CKAP5: variants seen among roughly 807,000 people sequenced by gnomAD.
The protein encoded by CKAP5 is cytoskeleton associated protein 5.
Under a neutral mutation model 232.8 loss-of-function variants are expected in CKAP5, and 27 were observed. The observed-to-expected ratio is 0.12, with a 90% CI of 0.09 to 0.16. The LOEUF (loss-of-function observed/expected upper bound fraction) is 0.16. CKAP5 is among the 10% of genes least tolerant of loss of function. The probability of loss-of-function intolerance (pLI) is 1.00; values close to 1 mark genes in which losing one functional copy is unlikely to be tolerated. For missense variants in CKAP5, 1,838 were observed against 2,424.7 expected, an observed-to-expected ratio of 0.76 and a Z score of 5.08; for synonymous variants, 785 against 841.1, an observed-to-expected ratio of 0.93 and a Z score of 1.16.
At chr11:46,745,739 G>A (rs1009945728) in intron 42 of CKAP5, among the ~76,000 whole-genome samples, 3 of 152,116 alleles carry the variant, frequency 2.0e-5, no homozygotes, top group Non-Finnish European at 2.9e-5. Flanking sequence ...GGATCACTTA[G>A]AGGTCAGGGG....
chr11:46,759,376 A>T lies in CKAP5; in HGVS notation c.4461T>A (p.Asp1487Glu). ...CATTGTCATTCTCAATCTCATCTAG[A>T]TCCAGCTGGAATTCTCGGCGGACCA... ...AQMVRREFQL[D>E]LDEIENDNGT... The change falls in exon 34 of 44, where the codon GAT becomes GAA. Residue 1487 changes from aspartate to glutamate, a missense_variant. Transcript: ENST00000529230. 2 of 1,614,036 alleles carry T rather than the reference A, an allele frequency of 1.2e-6. No individual in the cohort carries two copies. The highest frequency in any genetic ancestry group is 1.7e-6 in the Non-Finnish European group (2 of 1,179,990).
intron 32 of CKAP5, among the ~76,000 whole-genome samples, chr11:46,761,182 G>A (rs1391370062): frequency 1.3e-5 from 2 of 150,056 alleles, no homozygotes; most frequent in Non-Finnish European, 1.5e-5. Flanking sequence ...CTGGGAGGTC[G>A]AGGCTGCGGT....
chr11:46,780,782 T>C (rs1325457242), intron 18 of CKAP5, among the ~76,000 whole-genome samples: 2 of 151,990 alleles, frequency 1.3e-5, no homozygotes, highest in South Asian at 2.1e-4. Context: ...GCCCAGCTAA[T>C]TTTTTTTGTT....
chr11:46,832,773 G>T (rs1337683291), intron 1 of CKAP5, among the ~76,000 whole-genome samples: 1 of 152,078 alleles, frequency 6.6e-6, no homozygotes, highest in Non-Finnish European at 1.5e-5. Context: ...AAGATTAAAT[G>T]AGATTTTGCC....
chr11:46,827,099 G>A (rs1487807634), intron 1 of CKAP5, among the ~76,000 whole-genome samples: 6 of 152,084 alleles, frequency 3.9e-5, no homozygotes, highest in African/African-American at 1.4e-4. Context: ...CTCTTTTTTT[G>A]GTAGTATTAC....
chr11:46,748,110 C>T (rs1179371230), intron 42 of CKAP5, among the ~76,000 whole-genome samples: 1 of 152,058 alleles, frequency 6.6e-6, no homozygotes, highest in Non-Finnish European at 1.5e-5. Context: ...TGATGAGGTA[C>T]TAGGGGCACT....
At chr11:46,836,240 A>G (rs1939914907) in intron 1 of CKAP5, among the ~76,000 whole-genome samples, 1 of 152,246 alleles carries the variant, frequency 6.6e-6, no homozygotes. Flanking sequence ...AACGATGTTA[A>G]TAACAGGGCA....
In CKAP5 at chr11:46,750,366, T is replaced by G; in HGVS notation, c.5612A>C (p.Asn1871Thr). The change falls in exon 42 of 44, where the codon AAT becomes ACT. Residue 1871 changes from asparagine (N) to threonine (T), a missense_variant. Transcript: ENST00000529230. The stretch of plus-strand genomic sequence containing the variant: ...ATAGCTCTGGAAGAACTGTGAGGAA[T>G]TTTTCAGAAATGGTTCAATGTCAGC... ...SDADIEPFLK[N>T]SSQFFQSYVE... 1 of 1,614,158 alleles carries G rather than the reference T, an allele frequency of 6.2e-7. No homozygotes were observed. The highest frequency in any genetic ancestry group is 8.5e-7 in the Non-Finnish European group (1 of 1,180,006).
chr11:46,840,487 A>C (rs1940026567), intron 1 of CKAP5, among the ~76,000 whole-genome samples: 1 of 152,200 alleles, frequency 6.6e-6, no homozygotes, highest in African/African-American at 2.4e-5. Context: ...TCCCTGTCAA[A>C]ATTTTTAACA....
At chr11:46,761,722 C>T (rs933845057) in intron 32 of CKAP5, among the ~76,000 whole-genome samples, 1 of 152,144 alleles carries the variant, frequency 6.6e-6, no homozygotes, top group African/African-American at 2.4e-5. Context: ...AATTTAAACC[C>T]GGGACTAGCT....
chr11:46,796,181 AAAAAAAAT>A (rs1055361911), intron 12 of CKAP5, among the ~76,000 whole-genome samples: 6 of 124,048 alleles, frequency 4.8e-5, no homozygotes, highest in Admixed American at 8.5e-5. Flanking sequence ...AAAAAAAAAA[AAAAAAAAT>A]TTTCAGAGAA....
intron 4 of CKAP5, 116 bp downstream of exon 4, chr11:46,816,082 C>A (rs80341157): frequency 2.6e-6 from 2 of 756,704 alleles, no homozygotes; most frequent in African/African-American, 1.8e-5. Flanking sequence ...ACGACCCCCC[C>A]ATCCCCCCAA....
Position 46,753,492 on chromosome 11 carries a change from A to C in CKAP5, c.4875T>G (p.Phe1625Leu). 2.5e-6 allele frequency: 4 copies of C among 1,609,576 alleles called. No homozygotes were observed. Among genetic ancestry groups the C allele is most frequent in the Non-Finnish European group, 3.4e-6 (4 of 1,178,182 alleles). ...SCIIGNMISL[F>L]QIESLAREAS... is the part of the protein sequence containing the mutation. ...CCTCCCGGGCAAGGCTCTCTATCTGAAACAGCTATCCAGACATACTTGTGT... is the reference window on the plus strand; with the variant it reads ...CCTCCCGGGCAAGGCTCTCTATCTGCAACAGCTATCCAGACATACTTGTGT... The change falls in exon 37 of 44, where the codon TTT becomes TTG. Residue 1625 changes from phenylalanine (F) to leucine (L), a missense_variant. Physicochemically the swap from Phe to Leu is conservative, Grantham distance 22 (BLOSUM62 0). Around this residue, in one of 6 missense-constraint regions of CKAP5, gnomAD observed 579 missense variants for 843.2 expected, o/e 0.69. Transcript: ENST00000529230.
chr11:46,842,998 A>AG lies in CKAP5; in HGVS notation c.-38+3221dup, dbSNP rs1258728292. Among the ~76,000 whole-genome samples, 372 of 144,778 alleles carry AG rather than the reference A, an allele frequency of 2.6e-3. 2 individuals are homozygous for AG. Among genetic ancestry groups the AG allele is most frequent in the African/African-American group, 8.9e-3 (352 of 39,584 alleles). The allele number at this position is 144,778 out of a possible 152,430, so 95.0% of individuals were successfully genotyped here. On this transcript the variant is annotated intron_variant, in intron 1 of 43. Transcript: ENST00000529230. ...AAAAAAAAAAAAAAAAAAAGAAGTA[A>AG]GGTAGCAGGGTGTGGTGGCTCATGC... is the stretch of plus-strand genomic sequence containing the variant.
At chr11:46,779,943 G>T (rs2065325412) in intron 20 of CKAP5, among the ~76,000 whole-genome samples, 2 of 152,046 alleles carry the variant, frequency 1.3e-5, no homozygotes, top group African/African-American at 2.4e-5. Flanking sequence ...TTTCTGATCT[G>T]GGCCAGTTTA....
intron 32 of CKAP5, 65 bp downstream of exon 32, chr11:46,761,935 T>G: frequency 7.3e-7 from 1 of 1,368,518 alleles, no homozygotes; most frequent in East Asian, 2.3e-5. Context: ...ACAGGAAACC[T>G]AACACCTAGG....
rs763694311 is a variant in CKAP5, at chr11:46,784,443, A to G, written c.2154+45T>C. 1.0e-5 allele frequency: 15 copies of G among 1,486,726 alleles called. No homozygotes were observed. In the East Asian group the frequency reaches 2.3e-4, roughly 23 times the overall value. The allele number at this position is 1,486,726 out of a possible 1,614,324, so 92.1% of individuals were successfully genotyped here. ...AATTAGTAAGCTTAAAGTTTGGGGGAAAAAATTGGGAAAACTAGAGGAATA... is the reference window on the plus strand; with the variant it reads ...AATTAGTAAGCTTAAAGTTTGGGGGGAAAAATTGGGAAAACTAGAGGAATA... On this transcript the variant is annotated intron_variant, in intron 17 of 43. Coordinates refer to ENST00000529230, the MANE Select transcript of CKAP5 (RefSeq NM_001008938.4).
Position 46,744,222 on chromosome 11 carries a change from G to T in CKAP5, c.5900C>A (p.Ala1967Glu). 1 of 1,614,164 alleles carries T rather than the reference G, an allele frequency of 6.2e-7. No individual in the cohort carries two copies. Among genetic ancestry groups the T allele is most frequent in the South Asian group, 1.1e-5 (1 of 91,082 alleles). ...PPLTSLLSKP[A>E]VPTVASSTDM... The stretch of plus-strand genomic sequence containing the variant: ...TGTGGAAGAGGCGACAGTAGGAACT[G>T]CTGGTTTGGAGAGCAAAGAGGTCAA... Residue 1967 changes from alanine to glutamate, a missense_variant, in exon 44 of 44, where the codon GCA becomes GAA. By Grantham distance (107) the Ala-to-Glu change is moderately radical. Coordinates refer to ENST00000529230, the MANE Select transcript of CKAP5 (RefSeq NM_001008938.4).
chr11:46,759,722 T>C (rs2065140135), intron 33 of CKAP5, among the ~76,000 whole-genome samples: 1 of 152,230 alleles, frequency 6.6e-6, no homozygotes, highest in Non-Finnish European at 1.5e-5. Flanking sequence ...AAACCTTGTA[T>C]TTCTATTCCT....
Sources: allele counts gnomAD v4.1 joint callset (sites outside exome capture counted in the v4.1 genomes callset), GRCh38; gene constraint gnomAD v4.1.1; regional missense constraint gnomAD v4.1.1; transcripts MANE v1.5; gene names NCBI Gene and HGNC (gene_info 2026-07-23, HGNC 2026-07-21).